The following ANK3 variants were observed in gnomAD, a reference collection of about 807,000 sequenced individuals.
ANK3 encodes ankyrin 3.
Under a neutral mutation model 370.9 loss-of-function variants are expected in ANK3, and 57 were observed. That is an observed-to-expected ratio of 0.15 (90% CI 0.12 to 0.19). The LOEUF is 0.19. ANK3 is among the 10% of genes least tolerant of loss of function. The pLI, the probability that ANK3 is intolerant of heterozygous loss-of-function variation, is 1.00. For synonymous variants in ANK3, 1,929 were observed against 1,946.3 expected (o/e 0.99, Z 0.23); for missense variants, 4,439 against 5,302.1 (o/e 0.84, Z 5.06).
At chr10:60,169,372 T>TG (rs1565439111) in intron 21 of ANK3, among the ~76,000 whole-genome samples, 4 of 142,930 alleles carry the variant, frequency 2.8e-5, no homozygotes, top group Non-Finnish European at 4.5e-5. Flanking sequence ...TAGTTTTTTT[T>TG]TTTTTTTTTT....
intron 1 of ANK3, among the ~76,000 whole-genome samples, chr10:60,356,371 C>T (rs983265626): frequency 2.0e-5 from 3 of 152,216 alleles, no homozygotes; most frequent in Non-Finnish European, 4.4e-5. Context: ...AATAACCCTA[C>T]TGACTCTGGA....
intron 12 of ANK3, among the ~76,000 whole-genome samples, chr10:60,201,708 C>T (rs113940229): frequency 7.1e-4 from 85 of 120,302 alleles, no homozygotes; most frequent in Non-Finnish European, 9.7e-4. Context: ...GAAATCACTT[C>T]TTTTTTTTTT....
intron 1 of ANK3, among the ~76,000 whole-genome samples, chr10:60,727,816 C>T (rs1268331369): frequency 6.6e-6 from 1 of 152,090 alleles, no homozygotes; most frequent in African/African-American, 2.4e-5. Context: ...AGTGTAAGAG[C>T]CCTTTCCCTA....
intron 4 of ANK3, among the ~76,000 whole-genome samples, chr10:60,270,785 A>T (rs1227797195): frequency 1.3e-5 from 2 of 152,174 alleles, no homozygotes; most frequent in Non-Finnish European, 2.9e-5. Context: ...GTTACCACAG[A>T]TGTGGTCTTT....
At chr10:60,217,894 CT>C (rs1018109462) in intron 8 of ANK3, among the ~76,000 whole-genome samples, 3 of 152,112 alleles carry the variant, frequency 2.0e-5, no homozygotes, top group Non-Finnish European at 4.4e-5. Context: ...AGTTTAGTCT[CT>C]TTATAGGTCT....
intron 4 of ANK3, among the ~76,000 whole-genome samples, chr10:60,277,619 T>C (rs2098110738): frequency 6.6e-6 from 1 of 152,224 alleles, no homozygotes; most frequent in African/African-American, 2.4e-5. Context: ...ATCATTCTTA[T>C]ATGAAACCGC....
chr10:60,430,910 A>G (rs1385152032), intron 2 of ANK3, among the ~76,000 whole-genome samples: 1 of 152,194 alleles, frequency 6.6e-6, no homozygotes, highest in African/African-American at 2.4e-5. Flanking sequence ...TCTATAACAC[A>G]GGGAAAGAAA....
intron 4 of ANK3, among the ~76,000 whole-genome samples, chr10:60,271,827 T>C (rs2097991710): frequency 6.6e-6 from 1 of 151,172 alleles, no homozygotes; most frequent in Admixed American, 6.6e-5. Flanking sequence ...AAATCCACCA[T>C]AGCTATGTAC....
At chr10:60,502,278 A>G (rs1421259659) in intron 2 of ANK3, among the ~76,000 whole-genome samples, 1 of 152,194 alleles carries the variant, frequency 6.6e-6, no homozygotes, top group African/African-American at 2.4e-5. Flanking sequence ...GCTTCATGGT[A>G]ACATATCACA....
intron 1 of ANK3, among the ~76,000 whole-genome samples, chr10:60,690,538 A>G (rs1054223226): frequency 1.3e-5 from 2 of 152,022 alleles, no homozygotes; most frequent in Admixed American, 6.6e-5. Context: ...AAAACTTAAT[A>G]CTTAATACTT....
intron 1 of ANK3, among the ~76,000 whole-genome samples, chr10:60,711,049 C>T (rs2079697528): frequency 6.6e-6 from 1 of 152,118 alleles, no homozygotes; most frequent in South Asian, 2.1e-4. Context: ...AAACACATCC[C>T]AAAATAATGT....
intron 23 of ANK3, chr10:60,140,028 G>A (rs145022058): frequency 2.9e-5 from 11 of 385,836 alleles, no homozygotes; most frequent in African/African-American, 1.9e-4. Flanking sequence ...GATTGCAAAA[G>A]TGTACATGTT....
At chr10:60,540,946 T>C (rs1336534163) in intron 2 of ANK3, among the ~76,000 whole-genome samples, 2 of 151,974 alleles carry the variant, frequency 1.3e-5, no homozygotes, top group African/African-American at 4.8e-5. Flanking sequence ...TATTTATTAC[T>C]ATAGTATCAT....
At chr10:60,230,301 T>C (rs1372841525) in intron 8 of ANK3, among the ~76,000 whole-genome samples, 3 of 152,090 alleles carry the variant, frequency 2.0e-5, no homozygotes, top group Non-Finnish European at 4.4e-5. Context: ...TGGAAAGAAA[T>C]AGGGGCCATT....
chr10:60,700,389 C>T (rs965551721), intron 1 of ANK3, among the ~76,000 whole-genome samples: 1 of 152,028 alleles, frequency 6.6e-6, no homozygotes, highest in Non-Finnish European at 1.5e-5. Flanking sequence ...AGGATAGGAA[C>T]GTATACAAAC....
At chr10:60,117,270 G>T (rs981540063) in intron 25 of ANK3, among the ~76,000 whole-genome samples, 1 of 152,126 alleles carries the variant, frequency 6.6e-6, no homozygotes, top group Admixed American at 6.5e-5. Context: ...AAAACAAAGG[G>T]AATTTTCATG....
intron 1 of ANK3, among the ~76,000 whole-genome samples, chr10:60,302,385 C>G (rs1165516269): frequency 6.6e-6 from 1 of 151,998 alleles, no homozygotes; most frequent in Non-Finnish European, 1.5e-5. Flanking sequence ...CGTATACCAG[C>G]AATTTTATGT....
chr10:60,108,921 G>A lies in ANK3; in HGVS notation c.3082C>T (p.His1028Tyr), dbSNP rs1431092037. ...TRITCRLVKR[H>Y]KLANPPPMVE... Reference sequence around the variant, plus strand: ...ATGGGGGGTGGGTTGGCCAGTTTATGTCTCTTTACCAAACGGCAGGTGATT... The same window carrying A: ...ATGGGGGGTGGGTTGGCCAGTTTATATCTCTTTACCAAACGGCAGGTGATT... Residue 1028 changes from histidine to tyrosine, a missense_variant, in exon 27 of 44, where the codon CAT (histidine) becomes TAT (tyrosine). Physicochemically the swap from His to Tyr is moderately conservative, Grantham distance 83. This residue lies in a region of ANK3 where 702 missense variants were observed against 941.5 expected (regional missense o/e 0.75). Transcript: ENST00000280772. The A allele has an allele frequency of 1.2e-6, 2 of 1,614,044 alleles. No homozygotes were observed. Among genetic ancestry groups the A allele is most frequent in the Non-Finnish European group, 1.7e-6 (2 of 1,179,974 alleles).
At chr10:60,631,733 A>C (rs2078486573) in intron 1 of ANK3, among the ~76,000 whole-genome samples, 1 of 152,160 alleles carries the variant, frequency 6.6e-6, no homozygotes, top group South Asian at 2.1e-4. Flanking sequence ...TAACATAGGG[A>C]AGAATACAGA....
Sources: allele counts gnomAD v4.1 joint callset (sites outside exome capture counted in the v4.1 genomes callset), GRCh38; gene constraint gnomAD v4.1.1; regional missense constraint gnomAD v4.1.1; transcripts MANE v1.5; gene names NCBI Gene and HGNC (gene_info 2026-07-23, HGNC 2026-07-21).